The following UHRF1 variants were observed in gnomAD, a reference collection of about 807,000 sequenced individuals.
UHRF1 encodes E3 ubiquitin-protein ligase UHRF1.
A neutral mutation model predicts 96.5 loss-of-function variants in UHRF1; 9 were observed. The observed-to-expected ratio is 0.09, with a 90% CI of 0.06 to 0.16. The LOEUF (loss-of-function observed/expected upper bound fraction) is 0.16. Among genes scored for constraint, UHRF1 ranks in the 10% least tolerant of loss-of-function variants. UHRF1 has a pLI of 1.00. For missense variants in UHRF1, 626 were observed against 1,131.1 expected (o/e 0.55, Z 6.40); for synonymous variants, 455 against 469.9 (o/e 0.97, Z 0.41).
upstream of UHRF1, among the ~76,000 whole-genome samples, chr19:4,904,977 G>T (rs2032035003): frequency 6.6e-6 from 1 of 151,970 alleles, no homozygotes; most frequent in Non-Finnish European, 1.5e-5. Context: ...GCTGTATCTT[G>T]CATTATTTTA....
At chr19:4,905,570 T>G (rs1287309545), upstream of UHRF1, among the ~76,000 whole-genome samples, 1 of 151,902 alleles carries the variant, frequency 6.6e-6, no homozygotes, top group Non-Finnish European at 1.5e-5. Flanking sequence ...CAGGCTGGAG[T>G]TCAGTGGTGC....
chr19:4,907,036 G>A (rs1599228613), upstream of UHRF1, among the ~76,000 whole-genome samples: 1 of 152,194 alleles, frequency 6.6e-6, no homozygotes, highest in East Asian at 1.9e-4. Context: ...GCACCATCTG[G>A]ACATCGTGGA....
intron 2 of UHRF1, among the ~76,000 whole-genome samples, chr19:4,912,250 G>A (rs1465967660): frequency 6.6e-6 from 1 of 152,144 alleles, no homozygotes; most frequent in Admixed American, 6.6e-5. Flanking sequence ...CTCGACAGAG[G>A]AGCTCCGCCT....
rs188824229 is a variant in UHRF1, at chr19:4,960,496, A to T, written c.2236-161A>T. ...GAGCTTGGAATCTTTGAGGGCCCCT[A>T]GGGGGGCCAGGCTGGTGATGGGCAG... is the stretch of plus-strand genomic sequence containing the variant. On this transcript the variant is annotated intron_variant, in intron 16 of 16. Coordinates refer to ENST00000650932, the MANE Select transcript of UHRF1 (RefSeq NM_001048201.3). 1.8e-3 allele frequency among the ~76,000 whole-genome samples: 276 copies of T among 152,196 alleles called. 1 individual carries two copies. Among genetic ancestry groups the T allele is most frequent in the Non-Finnish European group, 2.3e-3 (153 of 67,942 alleles).
chr19:4,947,426 C>T (rs1353536994), intron 11 of UHRF1, among the ~76,000 whole-genome samples: 2 of 143,754 alleles, frequency 1.4e-5, no homozygotes, highest in Non-Finnish European at 3.0e-5. Flanking sequence ...ATGTGTGCCA[C>T]ATACCGTGAG....
At position 4,945,322 on chromosome 19, in the gene UHRF1, G is replaced by A. The variant is rs145815051; in HGVS notation, c.1306-539G>A. Among the ~76,000 whole-genome samples the A allele has an allele frequency of 6.3e-3, 962 of 152,126 alleles. 7 individuals are homozygous for A. Among genetic ancestry groups the A allele is most frequent in the Middle Eastern group, 0.014 (4 of 294 alleles). On this transcript the variant is annotated intron_variant, in intron 9 of 16. Coordinates refer to ENST00000650932, the MANE Select transcript of UHRF1 (RefSeq NM_001048201.3). ...TGCCCAGGCTGGAGTGCAGTGGTGC[G>A]GTCTTGGCTCACTGCAACCTCCCTC... is the stretch of plus-strand genomic sequence containing the variant.
chr19:4,943,258 G>C (rs138960753), intron 7 of UHRF1, among the ~76,000 whole-genome samples: 2,116 of 152,010 alleles, frequency 0.014, 57 homozygotes, highest in African/African-American at 0.048. Context: ...AAAAAAGGGG[G>C]GGTGGTGAGG....
At chr19:4,911,482 G>T (rs2032273179) in intron 2 of UHRF1, among the ~76,000 whole-genome samples, 1 of 152,116 alleles carries the variant, frequency 6.6e-6, no homozygotes, top group Non-Finnish European at 1.5e-5. Context: ...ATCAGACCCT[G>T]CGAGTGTTTG....
chr19:4,914,697 G>T (rs1462209483), intron 2 of UHRF1, among the ~76,000 whole-genome samples: 16 of 149,816 alleles, frequency 1.1e-4, no homozygotes, highest in African/African-American at 4.0e-4. Flanking sequence ...AACAATAGCT[G>T]TCTTTTGCGG....
chr19:4,913,401 C>T (rs1427002133), intron 2 of UHRF1, among the ~76,000 whole-genome samples: 1 of 151,458 alleles, frequency 6.6e-6, no homozygotes, highest in Non-Finnish European at 1.5e-5. Context: ...TTACAGTCAC[C>T]CACCACCACG....
At position 4,944,467 on chromosome 19, in the gene UHRF1, G is replaced by GGGGCT. The variant is rs1568426132; in HGVS notation, c.1305+18_1305+22dup. ...CGAGTCCAGGTACCTGCAGCGTCCC[G>GGGGCT]GGGCTCCAGGGGCCACGCGGGCTCA... On this transcript the variant is annotated intron_variant, in intron 9 of 16. Coordinates refer to ENST00000650932, the MANE Select transcript of UHRF1 (RefSeq NM_001048201.3). 1.2e-6 allele frequency: 2 copies of GGGGCT among 1,612,980 alleles called. No homozygotes were observed. Among genetic ancestry groups the GGGGCT allele is most frequent in the Admixed American group, 3.3e-5 (2 of 59,994 alleles).
At chr19:4,946,412 G>C (rs931472677) in intron 10 of UHRF1, among the ~76,000 whole-genome samples, 6 of 152,124 alleles carry the variant, frequency 3.9e-5, no homozygotes, top group African/African-American at 1.4e-4. Context: ...ATGCTGTGTT[G>C]ATCTGTCTGT....
intron 7 of UHRF1, 45 bp from the exon 8 acceptor site, chr19:4,944,087 C>T: frequency 6.2e-7 from 1 of 1,608,006 alleles, no homozygotes. Context: ...TTGGCTGAGA[C>T]ATCTGCCAGG....
intron 5 of UHRF1, among the ~76,000 whole-genome samples, chr19:4,938,562 C>G (rs1467116100): frequency 6.6e-6 from 1 of 151,718 alleles, no homozygotes; most frequent in East Asian, 1.9e-4. Flanking sequence ...AGGTCTCACT[C>G]TGTCACCCAT....
intron 4 of UHRF1, among the ~76,000 whole-genome samples, chr19:4,931,703 G>C (rs994949163): frequency 6.6e-6 from 1 of 151,732 alleles, no homozygotes; most frequent in Non-Finnish European, 1.5e-5. Flanking sequence ...TTCTGACCTC[G>C]TGTTCCGCCC....
Position 4,930,605 on chromosome 19 carries a change from A to G in UHRF1, c.409-111A>G. On this transcript the variant is annotated intron_variant, in intron 3 of 16. Transcript: ENST00000650932. The surrounding 1 kb of genome is among the most constrained non-coding windows in gnomAD (Gnocchi z 4.4). ...AGGGAGGAGAAACCTCGCTGTGGGCATTCGAGTTTGCGCCCTGGTTCCAGA... is the reference window on the plus strand; with the variant it reads ...AGGGAGGAGAAACCTCGCTGTGGGCGTTCGAGTTTGCGCCCTGGTTCCAGA... The G allele has an allele frequency of 2.2e-6, 3 of 1,333,890 alleles. No homozygotes were observed. Among genetic ancestry groups the G allele is most frequent in the South Asian group, 2.8e-5 (2 of 71,626 alleles). 82.6% of individuals were successfully genotyped at this position (1,333,890 alleles called of 1,614,324 possible).
Position 4,930,855 on chromosome 19 carries a change from T to C in UHRF1, c.548T>C (p.Ile183Thr). 1 of 1,613,906 alleles carries C rather than the reference T, an allele frequency of 6.2e-7. No individual in the cohort carries two copies. The highest frequency in any genetic ancestry group is 8.5e-7 in the Non-Finnish European group (1 of 1,179,868). The change falls in exon 4 of 17, where the codon ATT (isoleucine) becomes ACT (threonine). Residue 183 changes from isoleucine (I) to threonine (T), a missense_variant. By Grantham distance (89) the Ile-to-Thr change is moderately conservative. Transcript: ENST00000650932. The surrounding 1 kb of genome is among the most constrained non-coding windows in gnomAD (Gnocchi z 4.4). Reference protein sequence around the residue: ...TSRPALEEDVIYHVKYDDYPE... With the variant: ...TSRPALEEDVTYHVKYDDYPE... ...AGGCCGGCGCTGGAGGAGGACGTCA[T>C]TTACCACGTGAAATACGACGAGTGA...
chr19:4,917,076 G>T (rs1478584235), intron 2 of UHRF1, among the ~76,000 whole-genome samples: 2 of 151,670 alleles, frequency 1.3e-5, no homozygotes, highest in Admixed American at 6.6e-5. Flanking sequence ...TCGGTGGGGG[G>T]GGGGGGTGCA....
chr19:4,903,251 C>G (rs1417083711), exon 1 of UHRF1: 1 of 183,406 alleles, frequency 5.5e-6, no homozygotes, highest in East Asian at 1.2e-4. Context: ...ATCTCCTGAC[C>G]TCGTGATCCA....
Sources: allele counts gnomAD v4.1 joint callset (sites outside exome capture counted in the v4.1 genomes callset), GRCh38; gene constraint gnomAD v4.1.1; non-coding constraint Gnocchi (gnomAD v3.1); transcripts MANE v1.5; gene names NCBI Gene and HGNC (gene_info 2026-07-23, HGNC 2026-07-21).